The following FHIP2A variants were observed in gnomAD, a reference collection of about 807,000 sequenced individuals.
The protein encoded by FHIP2A is family with sequence similarity 160 member B1.
In FHIP2A, 46 loss-of-function variants were observed where a neutral mutation model predicts 93.5. The ratio of observed to expected loss-of-function variants is 0.49; its 90% CI spans 0.39 to 0.63. FHIP2A has a LOEUF of 0.63. FHIP2A is among the 20% of genes least tolerant of loss of function. FHIP2A has a pLI of 0.00. For synonymous variants in FHIP2A, 332 were observed against 326.5 expected, an observed-to-expected ratio of 1.02 and a Z score of -0.18; for missense variants, 769 against 909.7, an observed-to-expected ratio of 0.85 and a Z score of 1.99.
intron 13 of FHIP2A, among the ~76,000 whole-genome samples, chr10:114,853,588 C>A (rs987594468): frequency 6.6e-6 from 1 of 152,122 alleles, no homozygotes; most frequent in Non-Finnish European, 1.5e-5. Flanking sequence ...AGTTTCATTT[C>A]CATTTTGTGA....
chr10:114,843,691 C>A, intron 6 of FHIP2A, 50 bp from the exon 7 acceptor site: 2 of 1,293,106 alleles, frequency 1.5e-6, no homozygotes, highest in East Asian at 2.6e-5. Flanking sequence ...TTCAAACAAC[C>A]TGATGTATAT....
chr10:114,893,205 G>T (rs1014719388), intron 16 of FHIP2A, among the ~76,000 whole-genome samples: 1 of 152,150 alleles, frequency 6.6e-6, no homozygotes. Context: ...GAAATATTGT[G>T]AGTAATCCAA....
rs1037611440 is a variant in FHIP2A, at chr10:114,862,478, G to A, written c.*938G>A. ...CTGATAACCCTTGGCAGCAATCAAA[G>A]TGCCAGTGGCTCCTCGATGTTTACA... On this transcript the variant is annotated 3_prime_UTR_variant, in exon 17 of 17. Transcript: ENST00000369248. The A allele has an allele frequency of 1.1e-5, 11 of 987,398 alleles. No homozygotes were observed. Among genetic ancestry groups the A allele is most frequent in the Non-Finnish European group, 9.6e-6 (8 of 830,082 alleles). The allele number at this position is 987,398 out of a possible 1,614,324, so 61.2% of individuals were successfully genotyped here.
At chr10:114,882,265 A>C (rs868772703) in intron 16 of FHIP2A, among the ~76,000 whole-genome samples, 1 of 152,146 alleles carries the variant, frequency 6.6e-6, no homozygotes. Flanking sequence ...CTGTCCCCAG[A>C]CGTTTCCACT....
intron 3 of FHIP2A, among the ~76,000 whole-genome samples, chr10:114,834,154 G>A (rs984753401): frequency 8.5e-5 from 13 of 152,134 alleles, no homozygotes; most frequent in Non-Finnish European, 4.4e-5. Context: ...AAAGAAACCT[G>A]TAGACACATT....
At chr10:114,870,152 C>A (rs1054010016) in intron 16 of FHIP2A, among the ~76,000 whole-genome samples, 1 of 152,120 alleles carries the variant, frequency 6.6e-6, no homozygotes, top group African/African-American at 2.4e-5. Context: ...GCCCTTCCTC[C>A]AGTGATCTGT....
At chr10:114,827,126 A>G (rs2083581456) in intron 1 of FHIP2A, among the ~76,000 whole-genome samples, 1 of 152,224 alleles carries the variant, frequency 6.6e-6, no homozygotes, top group Non-Finnish European at 1.5e-5. Context: ...GGTATATTGG[A>G]CACAGTCAAG....
At chr10:114,889,642 A>G (rs2143015976) in intron 16 of FHIP2A, among the ~76,000 whole-genome samples, 1 of 152,272 alleles carries the variant, frequency 6.6e-6, no homozygotes, top group Admixed American at 6.5e-5. Flanking sequence ...ATCCACATTA[A>G]CAAGCCCAAC....
intron 15 of FHIP2A, 29 bp downstream of exon 15, chr10:114,860,918 A>T (rs2083794552): frequency 6.3e-7 from 1 of 1,593,386 alleles, no homozygotes; most frequent in African/African-American, 1.3e-5. Context: ...TATATTCCCT[A>T]GGATTGATAA....
chr10:114,894,768 T>C (rs991905239), intron 16 of FHIP2A, among the ~76,000 whole-genome samples: 2 of 150,890 alleles, frequency 1.3e-5, no homozygotes, highest in African/African-American at 4.8e-5. Context: ...TAGGCAGGAC[T>C]ATGAGTAATG....
Position 114,861,875 on chromosome 10 carries a change from T to C in FHIP2A, c.*335T>C, listed in dbSNP as rs2083802140. On this transcript the variant is annotated 3_prime_UTR_variant, in exon 17 of 17. Coordinates refer to ENST00000369248, the MANE Select transcript of FHIP2A (RefSeq NM_020940.4). ...CATGACTTTGATGATATTTCTGTTA[T>C]ATTAATGTCCTTTTAGGTAGCAAGG... 2.5e-5 allele frequency: 25 copies of C among 1,002,194 alleles called. No homozygotes were observed. The highest frequency in any genetic ancestry group is 3.0e-5 in the Non-Finnish European group (25 of 840,642). The allele number at this position is 1,002,194 out of a possible 1,614,324, so 62.1% of individuals were successfully genotyped here. A position where few individuals can be genotyped will look rare whatever the true frequency, so the allele number is the denominator to read the frequency against.
At chr10:114,843,611 T>C (rs2083682643) in intron 6 of FHIP2A, 130 bp from the exon 7 acceptor site, 1 of 744,520 alleles carries the variant, frequency 1.3e-6, no homozygotes, top group Non-Finnish European at 2.0e-6. Flanking sequence ...GCCAATAATA[T>C]GCATTTAAAA....
At chr10:114,851,668 C>A (rs981922786) in intron 13 of FHIP2A, among the ~76,000 whole-genome samples, 2 of 134,756 alleles carry the variant, frequency 1.5e-5, no homozygotes, top group African/African-American at 2.8e-5. Context: ...TATTTGGAGT[C>A]CCTTGTAATT....
intron 10 of FHIP2A, 36 bp from the exon 11 acceptor site, chr10:114,846,523 C>T (rs755748892): frequency 1.3e-6 from 2 of 1,538,134 alleles, no homozygotes; most frequent in African/African-American, 1.4e-5. Flanking sequence ...TATGTAAAGA[C>T]ATTTTTCAGT....
At chr10:114,823,952 A>G (rs1285173615) in intron 1 of FHIP2A, among the ~76,000 whole-genome samples, 4 of 152,218 alleles carry the variant, frequency 2.6e-5, no homozygotes, top group Admixed American at 6.5e-5. Flanking sequence ...TGAGGGGGAA[A>G]AAAATTCTGC....
chr10:114,890,715 A>G (rs948038406), intron 16 of FHIP2A, among the ~76,000 whole-genome samples: 2 of 140,858 alleles, frequency 1.4e-5, no homozygotes, highest in Admixed American at 6.9e-5. Context: ...CGTATATGAC[A>G]TATATAGTAT....
At chr10:114,879,651 A>G (rs1035727885) in intron 16 of FHIP2A, among the ~76,000 whole-genome samples, 1 of 152,112 alleles carries the variant, frequency 6.6e-6, no homozygotes, top group Non-Finnish European at 1.5e-5. Context: ...GGCATCGTCA[A>G]CTGGGGGGCT....
At chr10:114,889,455 C>T (rs1030007514) in intron 16 of FHIP2A, among the ~76,000 whole-genome samples, 3 of 152,220 alleles carry the variant, frequency 2.0e-5, no homozygotes, top group African/African-American at 7.2e-5. Context: ...ATATTAAGCA[C>T]CACCCTTGTT....
intron 1 of FHIP2A, among the ~76,000 whole-genome samples, chr10:114,826,607 GCT>G (rs1010976334): frequency 1.3e-5 from 2 of 152,148 alleles, no homozygotes; most frequent in African/African-American, 4.8e-5. Context: ...GTTATAGAAG[GCT>G]CTCTGGAAGG....
Sources: allele counts gnomAD v4.1 joint callset (sites outside exome capture counted in the v4.1 genomes callset), GRCh38; gene constraint gnomAD v4.1.1; transcripts MANE v1.5; gene names NCBI Gene and HGNC (gene_info 2026-07-23, HGNC 2026-07-21).